The following LCOR variants were observed in gnomAD, a reference collection of about 807,000 sequenced individuals.
LCOR encodes the protein ligand-dependent corepressor.
LCOR carries 14 observed loss-of-function variants against 64.4 expected under a neutral mutation model. The ratio of observed to expected loss-of-function variants is 0.22; its 90% CI spans 0.14 to 0.34. The LOEUF (loss-of-function observed/expected upper bound fraction) is 0.34, where lower values mean the gene tolerates loss of function less well. LCOR is among the 10% of genes least tolerant of loss of function. The pLI, the probability that LCOR is intolerant of heterozygous loss-of-function variation, is 1.00. For missense variants in LCOR, 1,686 were observed against 1,765.3 expected (o/e 0.96, Z 0.80); for synonymous variants, 643 against 642.5 (o/e 1.00, Z -0.01).
chr10:96,981,775 C>T lies in LCOR; in HGVS notation c.1315C>T (p.His439Tyr), dbSNP rs1848089422. The part of the protein sequence containing the change: ...MPAVHKAANG[H>Y]SRTKMISTSI... Reference sequence around the variant, plus strand: ...AGCTGTACACAAAGCGGCAAATGGACACTCAAGAACCAAGATGATATCAAC... The same window carrying T: ...AGCTGTACACAAAGCGGCAAATGGATACTCAAGAACCAAGATGATATCAAC... The change falls in exon 8 of 8, where the codon CAC (histidine) becomes TAC (tyrosine). Residue 439 changes from histidine to tyrosine, a missense_variant. His to Tyr is a moderately conservative substitution (Grantham distance 83). Coordinates refer to ENST00000421806, the MANE Select transcript of LCOR (RefSeq NM_001346516.2). 1 of 1,614,134 alleles carries T rather than the reference C, an allele frequency of 6.2e-7. No individual in the cohort carries two copies. Among genetic ancestry groups the T allele is most frequent in the African/African-American group, 1.3e-5 (1 of 75,012 alleles).
At chr10:96,840,615 T>A (rs1015191964) in intron 2 of LCOR, among the ~76,000 whole-genome samples, 6 of 152,226 alleles carry the variant, frequency 3.9e-5, no homozygotes, top group Admixed American at 2.6e-4. Context: ...ATATATTTTT[T>A]AAAATTTAGA....
At chr10:96,891,480 CTCT>C (rs1354014253) in intron 2 of LCOR, among the ~76,000 whole-genome samples, 5 of 40,654 alleles carry the variant, frequency 1.2e-4, no homozygotes, top group African/African-American at 2.4e-4. Flanking sequence ...ATTTTTCTGA[CTCT>C]TTTTTTTTTT....
intron 7 of LCOR, among the ~76,000 whole-genome samples, chr10:96,969,606 G>A (rs964215187): frequency 3.9e-5 from 6 of 152,136 alleles, no homozygotes; most frequent in African/African-American, 7.2e-5. Flanking sequence ...GTGGGAATGT[G>A]TATGTTTAAT....
intron 4 of LCOR, among the ~76,000 whole-genome samples, chr10:96,920,623 T>C (rs1397643009): frequency 6.8e-6 from 1 of 147,282 alleles, no homozygotes; most frequent in Non-Finnish European, 1.5e-5. Context: ...TGTGTATATA[T>C]GTATGTACAT....
chr10:96,984,526 T>G lies in LCOR; in HGVS notation c.4066T>G (p.Ser1356Ala), dbSNP rs1265842745. Residue 1356 changes from serine (S) to alanine (A), a missense_variant, in exon 8 of 8, where the codon TCC becomes GCC. Transcript: ENST00000421806. ...RKSVCINPLM[S>A]PKLALQVDAD... The stretch of plus-strand genomic sequence containing the variant: ...GAGCGTATGCATCAACCCTCTGATG[T>G]CCCCCAAGCTTGCCCTGCAAGTGGA... The G allele has an allele frequency of 6.2e-7, 1 of 1,614,110 alleles. No homozygotes were observed. Among genetic ancestry groups the G allele is most frequent in the Non-Finnish European group, 8.5e-7 (1 of 1,180,038 alleles).
intron 2 of LCOR, among the ~76,000 whole-genome samples, chr10:96,895,407 C>T (rs1294710824): frequency 6.6e-6 from 1 of 152,200 alleles, no homozygotes; most frequent in African/African-American, 2.4e-5. Context: ...GGTCACTACC[C>T]TCTACCGCCA....
chr10:96,875,495 C>T (rs1846149056), intron 2 of LCOR, among the ~76,000 whole-genome samples: 1 of 152,040 alleles, frequency 6.6e-6, no homozygotes, highest in Admixed American at 6.6e-5. Flanking sequence ...ATTCAGCTGC[C>T]CTAGTTTAAG....
At chr10:96,903,689 T>C (rs1216420480) in intron 2 of LCOR, among the ~76,000 whole-genome samples, 1 of 152,228 alleles carries the variant, frequency 6.6e-6, no homozygotes, top group Non-Finnish European at 1.5e-5. Context: ...TGTTACTTTT[T>C]ATAACCTGTT....
At position 96,983,785 on chromosome 10, in the gene LCOR, G is replaced by A. The variant is rs1393990504; in HGVS notation, c.3325G>A (p.Glu1109Lys). 12 of 1,614,060 alleles carry A rather than the reference G, an allele frequency of 7.4e-6. No homozygotes were observed. The highest frequency in any genetic ancestry group is 1.3e-5 in the African/African-American group (1 of 74,912). ...ATGGTGTGCTGAGGAGGAGAACCAA[G>A]AGCTCATCGCCAACTTCAATGCCCA... The part of the protein sequence containing the change: ...MEWCAEEENQ[E>K]LIANFNAQYM... The change falls in exon 8 of 8, where the codon GAG (glutamate) becomes AAG (lysine). Residue 1109 changes from glutamate (E) to lysine (K), a missense_variant. Around this residue, in one of 3 missense-constraint regions of LCOR, gnomAD observed 1,293 missense variants for 1,410.4 expected, o/e 0.92. Transcript: ENST00000421806. This position sits in a 1 kb window ranked among gnomAD's most constrained non-coding sequence, Gnocchi z 4.5.
rs2134571491 is a variant in LCOR at position 96,989,547 on chromosome 10, A to C, written c.*4413A>C. On this transcript the variant is annotated 3_prime_UTR_variant, in exon 8 of 8. Coordinates refer to ENST00000421806, the MANE Select transcript of LCOR (RefSeq NM_001346516.2). ...TTTCAAAATAATTTTATTAAAGGTA[A>C]GCCAACAAATAAAACATAGAGGCTT... 6.6e-6 allele frequency: 1 copy of C among 151,676 alleles called. No individual in the cohort carries two copies. Among genetic ancestry groups the C allele is most frequent in the South Asian group, 2.1e-4 (1 of 4,822 alleles). 9.4% of individuals were successfully genotyped at this position (151,676 alleles called of 1,614,324 possible).
In LCOR at chr10:96,984,752, C is replaced by T. The variant is rs868027615; in HGVS notation, c.4292C>T (p.Thr1431Ile). Residue 1431 changes from threonine to isoleucine, a missense_variant, in exon 8 of 8, where the codon ACC (threonine) becomes ATC (isoleucine). Around this residue, in one of 3 missense-constraint regions of LCOR, gnomAD observed 1,293 missense variants for 1,410.4 expected, o/e 0.92. Coordinates refer to ENST00000421806, the MANE Select transcript of LCOR (RefSeq NM_001346516.2). ...KEKHADGATK[T>I]PAAKRPAARD... ...AAGCATGCTGATGGAGCCACCAAAA[C>T]CCCTGCTGCCAAGAGGCCAGCTGCA... 1 of 1,613,720 alleles carries T rather than the reference C, an allele frequency of 6.2e-7. No individual in the cohort carries two copies.
chr10:96,840,153 C>G (rs1020969024), intron 2 of LCOR, among the ~76,000 whole-genome samples: 1 of 151,952 alleles, frequency 6.6e-6, no homozygotes, highest in South Asian at 2.1e-4. Context: ...GGTAGATGGC[C>G]GAATTTAAGA....
At chr10:96,890,697 C>T (rs1427643510) in intron 2 of LCOR, among the ~76,000 whole-genome samples, 2 of 152,080 alleles carry the variant, frequency 1.3e-5, no homozygotes, top group African/African-American at 2.4e-5. Context: ...GTTTCATAAC[C>T]AGGGTTATGA....
chr10:96,931,961 C>G (rs892802604), intron 4 of LCOR, among the ~76,000 whole-genome samples: 8 of 152,216 alleles, frequency 5.3e-5, no homozygotes, highest in Admixed American at 5.2e-4. Flanking sequence ...AGGTATAATG[C>G]TATTGTGATC....
At chr10:96,957,776 A>G (rs952629366) in intron 7 of LCOR, 2 of 985,372 alleles carry the variant, frequency 2.0e-6, no homozygotes, top group Non-Finnish European at 2.4e-6. Context: ...ACTAAAATAC[A>G]TGCACTGCTC....
chr10:96,839,069 AT>A (rs1274020161), intron 2 of LCOR, among the ~76,000 whole-genome samples: 8 of 152,232 alleles, frequency 5.3e-5, no homozygotes, highest in African/African-American at 1.2e-4. Flanking sequence ...ATACAAAAAA[AT>A]AAGACAAGTT....
chr10:96,922,098 T>C (rs913789659), intron 4 of LCOR, among the ~76,000 whole-genome samples: 3 of 152,198 alleles, frequency 2.0e-5, no homozygotes, highest in Admixed American at 6.5e-5. Flanking sequence ...AGAAATGCCA[T>C]TGGGATTTTG....
intron 2 of LCOR, among the ~76,000 whole-genome samples, chr10:96,861,734 T>C (rs1462399853): frequency 6.6e-6 from 1 of 152,094 alleles, no homozygotes; most frequent in Non-Finnish European, 1.5e-5. Context: ...TTAGTACAGA[T>C]GGGGTTTCGC....
At chr10:96,871,327 G>T (rs1044504230) in intron 2 of LCOR, among the ~76,000 whole-genome samples, 1 of 151,962 alleles carries the variant, frequency 6.6e-6, no homozygotes, top group African/African-American at 2.4e-5. Context: ...GAGATGCTGG[G>T]ATTACAGTGT....
Sources: gnomAD v4.1 joint callset for allele counts (sites outside exome capture counted in the v4.1 genomes callset) on GRCh38, gnomAD v4.1.1 for gene constraint, gnomAD v4.1.1 regional missense constraint, Gnocchi (gnomAD v3.1) non-coding constraint, MANE v1.5 for transcripts, NCBI Gene and HGNC (gene_info 2026-07-23, HGNC 2026-07-21) for gene names.